The following CCNB3 variants were observed in gnomAD, a reference collection of about 807,000 sequenced individuals.
CCNB3 encodes the protein G2/mitotic-specific cyclin-B3.
In CCNB3, 12 loss-of-function variants were observed where a neutral mutation model predicts 68.0. The ratio of observed to expected loss-of-function variants is 0.18; its 90% CI spans 0.11 to 0.29. CCNB3 has a LOEUF of 0.29. CCNB3 is among the 10% of genes least tolerant of loss of function. The pLI is 1.00. For synonymous variants in CCNB3, 354 were observed against 388.9 expected (o/e 0.91, Z 1.06); for missense variants, 904 against 993.1 (o/e 0.91, Z 1.21).
intron 1 of CCNB3, among the ~76,000 whole-genome samples, chrX:50,216,853 C>CTGTG (rs1225678352): frequency 0.012 from 1,276 of 107,245 alleles, 13 homozygotes; most frequent in African/African-American, 0.041. Flanking sequence ...GGGTATTACT[C>CTGTG]TGTGTGTGTG....
chrX:50,220,952 CTTG>C (rs1422353559), intron 1 of CCNB3, among the ~76,000 whole-genome samples: 6 of 111,195 alleles, frequency 5.4e-5, no homozygotes, highest in Non-Finnish European at 7.5e-5. Flanking sequence ...AATTTCAGGA[CTTG>C]TTGTTGGTCT....
chrX:50,310,513 C>T lies in CCNB3; in HGVS notation c.2344C>T (p.Pro782Ser). The change falls in exon 6 of 13, where the codon CCA (proline) becomes TCA (serine). Residue 782 changes from proline to serine, a missense_variant. Transcript: ENST00000376042. ...INEEEFLNKQ[P>S]LALEGYPSIA... is the part of the protein sequence containing the mutation. Reference sequence around the variant, plus strand: ...TGAAGAGGAGTTCCTTAATAAGCAGCCACTGGCCTTGGAGGGGTATCCCAG... The same window carrying T: ...TGAAGAGGAGTTCCTTAATAAGCAGTCACTGGCCTTGGAGGGGTATCCCAG... 1 of 1,210,521 alleles carries T rather than the reference C, an allele frequency of 8.3e-7. No homozygotes were observed. Among genetic ancestry groups the T allele is most frequent in the Non-Finnish European group, 1.1e-6 (1 of 894,778 alleles).
chrX:50,343,322 T>C (rs1314089394), intron 9 of CCNB3, among the ~76,000 whole-genome samples: 1 of 111,895 alleles, frequency 8.9e-6, no homozygotes, highest in Non-Finnish European at 1.9e-5. Flanking sequence ...TACATATGTA[T>C]ACATGTGCCA....
chrX:50,334,729 A>T (rs940008267), intron 8 of CCNB3, among the ~76,000 whole-genome samples: 4 of 112,416 alleles, frequency 3.6e-5, no homozygotes, highest in Middle Eastern at 4.6e-3. Flanking sequence ...CCTTTAACTT[A>T]CAAAAGGCTT....
intron 1 of CCNB3, among the ~76,000 whole-genome samples, chrX:50,220,261 C>A (rs1935646489): frequency 9.0e-6 from 1 of 111,711 alleles, no homozygotes; most frequent in South Asian, 3.8e-4. Flanking sequence ...CACTTTATTT[C>A]TTTCTCTTGC....
At position 50,309,923 on chromosome X, in the gene CCNB3, C is replaced by T. The variant is rs1557214384; in HGVS notation, c.1754C>T (p.Ser585Leu). The T allele has an allele frequency of 2.5e-6, 3 of 1,208,511 alleles. No individual in the cohort carries two copies. Among genetic ancestry groups the T allele is most frequent in the South Asian group, 1.8e-5 (1 of 56,668 alleles). ...TTEETVLTKT[S>L]LSLQEKKITQ... ...GAGGAGACAGTACTTACCAAGACATCGTTGTCTTTACAGGAAAAGAAAATT... is the reference window on the plus strand; with the variant it reads ...GAGGAGACAGTACTTACCAAGACATTGTTGTCTTTACAGGAAAAGAAAATT... The change falls in exon 6 of 13, where the codon TCG becomes TTG. Residue 585 changes from serine (S) to leucine (L), a missense_variant. By Grantham distance (145) the Ser-to-Leu change is moderately radical. This residue lies in a region of CCNB3 where 619 missense variants were observed against 609.8 expected (regional missense o/e 1.02). Coordinates refer to ENST00000376042, the MANE Select transcript of CCNB3 (RefSeq NM_033031.3).
chrX:50,302,266 A>C (rs1602216637), intron 5 of CCNB3, among the ~76,000 whole-genome samples: 1 of 111,610 alleles, frequency 9.0e-6, no homozygotes, highest in African/African-American at 3.3e-5. Flanking sequence ...CTATTTGGCT[A>C]TCTTGTCTCC....
At chrX:50,313,683 A>G (rs17332723) in intron 7 of CCNB3, among the ~76,000 whole-genome samples, 173 bp from the exon 8 acceptor site, 3,203 of 111,627 alleles carry the variant, frequency 0.029, 88 homozygotes, top group East Asian at 0.17. Flanking sequence ...TCACGTGTCT[A>G]TTTCCCAAAG....
intron 5 of CCNB3, among the ~76,000 whole-genome samples, chrX:50,306,534 C>A (rs1377173885): frequency 3.6e-5 from 4 of 111,864 alleles, no homozygotes; most frequent in African/African-American, 1.3e-4. Flanking sequence ...GTTGGACATT[C>A]TTGTTTTCTC....
chrX:50,292,480 C>A (rs1936366096), intron 4 of CCNB3, among the ~76,000 whole-genome samples: 1 of 111,409 alleles, frequency 9.0e-6, no homozygotes, highest in Admixed American at 9.6e-5. Context: ...TTCTTGCTAT[C>A]CTTCTCAAAG....
At chrX:50,322,705 A>T (rs1430480037) in intron 8 of CCNB3, among the ~76,000 whole-genome samples, 11 of 112,143 alleles carry the variant, frequency 9.8e-5, no homozygotes, top group African/African-American at 3.2e-4. Context: ...GAATCTACAA[A>T]TAACTCAAAC....
At chrX:50,296,391 T>C (rs1351810618) in intron 5 of CCNB3, among the ~76,000 whole-genome samples, 2 of 68,091 alleles carry the variant, frequency 2.9e-5, no homozygotes, top group Admixed American at 1.9e-4. Flanking sequence ...TGGTTTTTTG[T>C]CCTTGCGATA....
At chrX:50,329,763 T>C (rs1922500531) in intron 8 of CCNB3, among the ~76,000 whole-genome samples, 2 of 112,404 alleles carry the variant, frequency 1.8e-5, no homozygotes, top group African/African-American at 6.5e-5. Context: ...AAAACAGTAT[T>C]TTCTTTTCTA....
At chrX:50,204,716 G>A (rs1365044733), upstream of CCNB3, 3 of 108,229 alleles carry the variant, frequency 2.8e-5, no homozygotes, top group Non-Finnish European at 5.7e-5. Context: ...TGAGAATGGT[G>A]GGGTCAATCC....
At chrX:50,279,895 T>C (rs1338942205) in intron 1 of CCNB3, among the ~76,000 whole-genome samples, 13 of 86,377 alleles carry the variant, frequency 1.5e-4, no homozygotes, top group Admixed American at 1.5e-3. Flanking sequence ...TATATAAATA[T>C]ATAGTGTATA....
At chrX:50,278,981 A>C (rs1422134283) in intron 1 of CCNB3, among the ~76,000 whole-genome samples, 1 of 46,062 alleles carries the variant, frequency 2.2e-5, no homozygotes, top group East Asian at 6.5e-4. Flanking sequence ...GTAAATATGT[A>C]GTATATATAA....
intron 8 of CCNB3, among the ~76,000 whole-genome samples, chrX:50,341,096 AAGGC>A (rs1923102233): frequency 5.4e-5 from 6 of 110,871 alleles, no homozygotes. Context: ...TTGGGAGGCC[AAGGC>A]AGGTGGATCA....
intron 1 of CCNB3, among the ~76,000 whole-genome samples, chrX:50,279,694 A>T (rs1228979389): frequency 2.2e-5 from 2 of 90,429 alleles, no homozygotes; most frequent in African/African-American, 8.0e-5. Flanking sequence ...CTATGCAAAC[A>T]TATATGTGAA....
At chrX:50,213,392 G>A (rs1462856806) in intron 1 of CCNB3, among the ~76,000 whole-genome samples, 2 of 111,594 alleles carry the variant, frequency 1.8e-5, no homozygotes, top group Non-Finnish European at 3.8e-5. Context: ...CTTTTAATAT[G>A]TTGCTCAAAT....
Sources: allele counts gnomAD v4.1 joint callset (sites outside exome capture counted in the v4.1 genomes callset), GRCh38; gene constraint gnomAD v4.1.1; regional missense constraint gnomAD v4.1.1; transcripts MANE v1.5; gene names NCBI Gene and HGNC (gene_info 2026-07-23, HGNC 2026-07-21).